FCRLB: variants seen among roughly 807,000 people sequenced by gnomAD.
FCRLB encodes the protein Fc receptor-like B.
FCRLB carries 34 observed loss-of-function variants against 33.6 expected under a neutral mutation model. The ratio of observed to expected loss-of-function variants is 1.01; its 90% confidence interval spans 0.77 to 1.35. The LOEUF (loss-of-function observed/expected upper bound fraction) is 1.35. Among genes scored for constraint, FCRLB ranks in the 40% most tolerant of loss-of-function variants. The pLI, the probability that FCRLB is intolerant of heterozygous loss-of-function variation, is 0.00. For missense variants in FCRLB, 560 were observed against 580.2 expected (o/e 0.97, Z 0.36); for synonymous variants, 280 against 255.9 (o/e 1.09, Z -0.90).
intron 5 of FCRLB, 128 bp from the exon 6 acceptor site, chr1:161,725,693 A>C: frequency 1.8e-6 from 2 of 1,120,826 alleles, no homozygotes; most frequent in Non-Finnish European, 2.5e-6. Flanking sequence ...AAGAAAAGAA[A>C]GCGGTGGGAG....
chr1:161,723,238 G>T (rs1683432479), intron 4 of FCRLB, 129 bp from the exon 5 acceptor site: 1 of 1,196,762 alleles, frequency 8.4e-7, no homozygotes, highest in Admixed American at 1.9e-5. Flanking sequence ...TGCAGGGATG[G>T]GTTAGTACAT....
rs1557934551 is a variant in FCRLB at position 161,727,232 on chromosome 1, G to A, written c.866-15G>A. ...CCATGCAAGCCGCGCGTGACTGGGC[G>A]TAATGCATTCACAGGTTCTCCCCTG... On this transcript the variant is annotated splice_polypyrimidine_tract_variant and intron_variant, in intron 7 of 7. Coordinates refer to ENST00000367948, the Ensembl canonical transcript of FCRLB. The A allele has an allele frequency of 6.3e-7, 1 of 1,580,720 alleles. No individual in the cohort carries two copies. Among genetic ancestry groups the A allele is most frequent in the South Asian group, 1.1e-5 (1 of 87,558 alleles).
At chr1:161,723,151 T>C (rs1299241385) in intron 4 of FCRLB, 142 bp downstream of exon 4, 1 of 1,220,168 alleles carries the variant, frequency 8.2e-7, no homozygotes, top group Non-Finnish European at 1.2e-6. Flanking sequence ...GGGACTAAAT[T>C]TGCTTGAAGG....
chr1:161,723,554 A>G, exon 5 of FCRLB: 1 of 1,614,162 alleles, frequency 6.2e-7, no homozygotes, highest in Middle Eastern at 1.6e-4. Context: ...TGCAGACACC[A>G]GGGGTGTATC....
At chr1:161,722,953 CCTT>C (rs958832333) in intron 3 of FCRLB, 33 bp from the exon 4 acceptor site, 6 of 1,610,434 alleles carry the variant, frequency 3.7e-6, no homozygotes, top group Non-Finnish European at 5.1e-6. Flanking sequence ...CCAATATTCT[CCTT>C]CTCCTTCCTC....
At chr1:161,724,195 G>A (rs1402947713) in intron 5 of FCRLB, among the ~76,000 whole-genome samples, 6 of 152,188 alleles carry the variant, frequency 3.9e-5, no homozygotes, top group African/African-American at 9.7e-5. Flanking sequence ...TTTTATTGCA[G>A]ACGTGTATAT....
intron 2 of FCRLB, 34 bp from the exon 3 acceptor site, chr1:161,722,619 C>A: frequency 1.2e-6 from 2 of 1,607,034 alleles, no homozygotes; most frequent in Non-Finnish European, 8.5e-7. Flanking sequence ...CTCTGTTCCC[C>A]ATCTCATGCC....
chr1:161,727,028 T>C (rs1416489156), intron 7 of FCRLB, 35 bp downstream of exon 7: 1 of 1,466,596 alleles, frequency 6.8e-7, no homozygotes, highest in Non-Finnish European at 9.0e-7. Flanking sequence ...ACGCCGACCC[T>C]GGCGGTCAGC....
exon 8 of FCRLB, chr1:161,727,564 C>T: frequency 6.2e-7 from 1 of 1,614,208 alleles, no homozygotes; most frequent in Non-Finnish European, 8.5e-7. Context: ...ATTAAAGGAG[C>T]CACAGGCCCT....
chr1:161,723,318 C>T (rs1173188629), intron 4 of FCRLB, 49 bp from the exon 5 acceptor site: 1 of 1,597,286 alleles, frequency 6.3e-7, no homozygotes, highest in African/African-American at 1.3e-5. Flanking sequence ...GGCACCTCAC[C>T]TTGATTCTCT....
chr1:161,727,306 C>T (rs537325201), exon 8 of FCRLB: 1 of 1,613,714 alleles, frequency 6.2e-7, no homozygotes. Context: ...AGCCTTGGCT[C>T]CTGGTAATAG....
Position 161,726,230 on chromosome 1 carries a change from C to A in FCRLB, c.574+143C>A. ...TCTTAGACTATGGACGCTGTCTCCTCTCCTTTGCCGTGAAGCAGCGCTTGA... is the reference window on the plus strand; with the variant it reads ...TCTTAGACTATGGACGCTGTCTCCTATCCTTTGCCGTGAAGCAGCGCTTGA... On this transcript the variant is annotated intron_variant, in intron 6 of 7. Coordinates refer to ENST00000367948, the Ensembl canonical transcript of FCRLB. This position sits in a 1 kb window ranked among gnomAD's most constrained non-coding sequence, Gnocchi z 5.2. The A allele has an allele frequency of 7.2e-7, 1 of 1,382,512 alleles. No individual in the cohort carries two copies. The highest frequency in any genetic ancestry group is 1.0e-6 in the Non-Finnish European group (1 of 997,982). The allele number at this position is 1,382,512 out of a possible 1,614,324, so 85.6% of individuals were successfully genotyped here.
At chr1:161,727,157 A>AAACCCCCC in intron 7 of FCRLB, 90 bp from the exon 8 acceptor site, 9 of 1,002,410 alleles carry the variant, frequency 9.0e-6, no homozygotes, top group Non-Finnish European at 1.1e-5. Flanking sequence ...GGCCTTCCCC[A>AAACCCCCC]TCCCCGCCCA....
chr1:161,722,520 T>C lies in FCRLB; in HGVS notation c.-20-133T>C, dbSNP rs1022656534. 4.8e-5 allele frequency: 39 copies of C among 816,182 alleles called. No individual in the cohort carries two copies. The African/African-American group carries it at 6.1e-4, about 13-fold the overall frequency. 50.6% of individuals were successfully genotyped at this position (816,182 alleles called of 1,614,324 possible). A position where few individuals can be genotyped will look rare whatever the true frequency, so the allele number is the denominator to read the frequency against. On this transcript the variant is annotated intron_variant, in intron 2 of 7. Transcript: ENST00000367948. ...TATTCAGCCTGTCTCCCACTGGTTC[T>C]GGTCTGCTATCTTCAGGAACTAGGA...
Position 161,726,655 on chromosome 1 carries a change from G to C in FCRLB, c.575-48G>C. On this transcript the variant is annotated intron_variant, in intron 6 of 7. Transcript: ENST00000367948. The surrounding 1 kb of genome is among the most constrained non-coding windows in gnomAD (Gnocchi z 5.2). ...GCGGGAAGCAGGAAGGAGCGGGGTC[G>C]CGGAGCGGTGGACAAGCCGGCGCCG... 1.9e-6 allele frequency: 3 copies of C among 1,553,190 alleles called. No individual in the cohort carries two copies. The highest frequency in any genetic ancestry group is 2.6e-6 in the Non-Finnish European group (3 of 1,156,674).
exon 6 of FCRLB, chr1:161,725,977 T>G (rs1683541136): frequency 1.4e-5 from 22 of 1,614,086 alleles, no homozygotes; most frequent in Non-Finnish European, 1.9e-5. Flanking sequence ...AACTACACTG[T>G]GTTACAGGCG....
chr1:161,726,068 G>A lies in FCRLB; in HGVS notation c.555G>A (p.Lys185=). The A allele has an allele frequency of 6.2e-7, 1 of 1,611,106 alleles. No homozygotes were observed. Among genetic ancestry groups the A allele is most frequent in the South Asian group, 1.1e-5 (1 of 90,726 alleles). Residue 185 remains lysine, a synonymous_variant, in exon 6 of 8, where the codon AAG becomes AAA. Coordinates refer to ENST00000367948, the Ensembl canonical transcript of FCRLB. The surrounding 1 kb of genome is among the most constrained non-coding windows in gnomAD (Gnocchi z 5.2). ...AGAGCGCGCCCATGTTCTCCGCTAA[G>A]GTGGCTGTGACAGTGCAAGGTGGGA...
At chr1:161,722,569 C>A in intron 2 of FCRLB, 84 bp from the exon 3 acceptor site, 2 of 1,331,128 alleles carry the variant, frequency 1.5e-6, no homozygotes, top group Non-Finnish European at 2.1e-6. Flanking sequence ...GCAGCAATGT[C>A]TCCTAGTACT....
At chr1:161,723,813 C>T (rs1683454895) in intron 5 of FCRLB, among the ~76,000 whole-genome samples, 192 bp downstream of exon 5, 1 of 152,170 alleles carries the variant, frequency 6.6e-6, no homozygotes, top group African/African-American at 2.4e-5. Flanking sequence ...GCATGCCTAG[C>T]CCCCAAGGTC....
Sources: allele counts gnomAD v4.1 joint callset (sites outside exome capture counted in the v4.1 genomes callset), GRCh38; gene constraint gnomAD v4.1.1; non-coding constraint Gnocchi (gnomAD v3.1); transcripts MANE v1.5; gene names NCBI Gene and HGNC (gene_info 2026-07-23, HGNC 2026-07-21).